TAFA5: variants seen among roughly 807,000 people sequenced by gnomAD.
TAFA5 encodes the protein chemokine-like protein TAFA-5.
In TAFA5, 6 loss-of-function variants were observed where a neutral mutation model predicts 15.3. The observed-to-expected ratio is 0.39, with a 90% CI of 0.21 to 0.77. TAFA5 has a LOEUF of 0.77. Ranked by LOEUF, TAFA5 falls within the 30% of genes least tolerant of loss-of-function variation. TAFA5 has a pLI of 0.41. For synonymous variants in TAFA5, 103 were observed against 80.7 expected, an observed-to-expected ratio of 1.28 and a Z score of -1.48; for missense variants, 161 against 193.1, an observed-to-expected ratio of 0.83 and a Z score of 0.98.
chr22:48,706,499 C>T (rs531900969), intron 2 of TAFA5, among the ~76,000 whole-genome samples: 121 of 152,332 alleles, frequency 7.9e-4, no homozygotes, highest in Non-Finnish European at 1.6e-3. Context: ...GGATATGTGA[C>T]TTCATCCGTT....
intron 1 of TAFA5, among the ~76,000 whole-genome samples, chr22:48,631,864 G>A (rs1034083594): frequency 2.6e-5 from 4 of 152,142 alleles, no homozygotes; most frequent in African/African-American, 9.7e-5. Context: ...TGGTCTAAAG[G>A]CAACTTCTCA....
intron 1 of TAFA5, among the ~76,000 whole-genome samples, chr22:48,567,166 T>A (rs971522121): frequency 6.6e-6 from 1 of 152,260 alleles, no homozygotes; most frequent in Non-Finnish European, 1.5e-5. Flanking sequence ...AGGAAATGAT[T>A]GTTTTTAAAC....
intron 2 of TAFA5, among the ~76,000 whole-genome samples, chr22:48,661,602 A>G (rs1319590692): frequency 6.6e-6 from 1 of 152,122 alleles, no homozygotes; most frequent in Non-Finnish European, 1.5e-5. Context: ...CCCTATGGGG[A>G]CAGTGCAGCA....
At chr22:48,540,467 C>T (rs1395098357) in intron 1 of TAFA5, among the ~76,000 whole-genome samples, 1 of 152,182 alleles carries the variant, frequency 6.6e-6, no homozygotes, top group East Asian at 1.9e-4. Flanking sequence ...CTGCTCCAGT[C>T]CCTGGTCCCC....
chr22:48,624,868 G>A (rs1003212141), intron 1 of TAFA5, among the ~76,000 whole-genome samples: 2 of 152,198 alleles, frequency 1.3e-5, no homozygotes, highest in Non-Finnish European at 2.9e-5. Flanking sequence ...GGGAGGCAGA[G>A]GTGGGCGGAT....
rs12160185 is a variant in TAFA5, at chr22:48,578,660, G to A, written c.113-67937G>A. 5.3e-4 allele frequency among the ~76,000 whole-genome samples: 81 copies of A among 152,336 alleles called. 3 individuals carry two copies. The East Asian group carries it at 0.014, about 27-fold the overall frequency. On this transcript the variant is annotated intron_variant, in intron 1 of 3. Coordinates refer to ENST00000402357, the MANE Select transcript of TAFA5 (RefSeq NM_001082967.3). ...AGCGATTGCGGGTCCCAGTGTTTGC[G>A]CAGCCCTCCAGGACTCCTGAAGTCC...
intron 1 of TAFA5, among the ~76,000 whole-genome samples, chr22:48,548,584 G>A (rs188530853): frequency 2.0e-5 from 3 of 152,298 alleles, no homozygotes; most frequent in East Asian, 3.9e-4. Context: ...AGTGGACTGG[G>A]GGAGCTTTGC....
chr22:48,589,024 G>A (rs1263203428), intron 1 of TAFA5, among the ~76,000 whole-genome samples: 1 of 152,226 alleles, frequency 6.6e-6, no homozygotes, highest in African/African-American at 2.4e-5. Flanking sequence ...TTCACCGATA[G>A]AAGAATGCAG....
intron 1 of TAFA5, among the ~76,000 whole-genome samples, chr22:48,580,492 A>G (rs1171287451): frequency 6.6e-6 from 1 of 152,202 alleles, no homozygotes; most frequent in Non-Finnish European, 1.5e-5. Context: ...ATTCTGTCCC[A>G]GAGGCATAGA....
chr22:48,575,298 G>C (rs1302099654), intron 1 of TAFA5, among the ~76,000 whole-genome samples: 2 of 151,698 alleles, frequency 1.3e-5, no homozygotes, highest in Admixed American at 6.6e-5. Context: ...CTGACCCGCC[G>C]GCGCGCCAGG....
At chr22:48,654,220 A>G (rs4925420) in intron 2 of TAFA5, among the ~76,000 whole-genome samples, 121,766 of 152,036 alleles carry the variant, frequency 0.8, 48,950 homozygotes, top group East Asian at 0.92. Flanking sequence ...GCCAACCAGG[A>G]GAGCCAAGAG....
intron 1 of TAFA5, among the ~76,000 whole-genome samples, chr22:48,608,089 G>A (rs116684771): frequency 0.019 from 2,289 of 117,748 alleles, 39 homozygotes; most frequent in African/African-American, 0.061. Flanking sequence ...CCCCTCCCAC[G>A]GCCCCAGGCT....
intron 1 of TAFA5, among the ~76,000 whole-genome samples, chr22:48,519,235 A>G (rs1200127571): frequency 2.0e-5 from 3 of 152,238 alleles, no homozygotes; most frequent in Admixed American, 6.5e-5. Flanking sequence ...ATGATTTTAA[A>G]CCAGATTCAA....
At chr22:48,568,933 G>A (rs1254754399) in intron 1 of TAFA5, among the ~76,000 whole-genome samples, 1 of 152,232 alleles carries the variant, frequency 6.6e-6, no homozygotes, top group Middle Eastern at 3.2e-3. Flanking sequence ...CTCACGGCCA[G>A]GGATGAGGGC....
At chr22:48,615,455 T>C (rs28380079) in intron 1 of TAFA5, among the ~76,000 whole-genome samples, 33,623 of 152,158 alleles carry the variant, frequency 0.22, 3,871 homozygotes, top group African/African-American at 0.25. Context: ...TCCTCTCGGA[T>C]GGGCTTCGCC....
intron 1 of TAFA5, among the ~76,000 whole-genome samples, chr22:48,565,905 G>C (rs1418294796): frequency 6.6e-6 from 1 of 152,100 alleles, no homozygotes; most frequent in East Asian, 1.9e-4. Flanking sequence ...TAGATAGATA[G>C]ATGAATTGAT....
At position 48,490,857 on chromosome 22, in the gene TAFA5, C is replaced by T. The variant is rs1021453743; in HGVS notation, c.112+1153C>T. ...TCCAGAGCCCCGGGCCTCCAAGCTC[C>T]CAGTCCGATCTGATCCTTCCGCTGT... On this transcript the variant is annotated intron_variant, in intron 1 of 3. Coordinates refer to ENST00000402357, the MANE Select transcript of TAFA5 (RefSeq NM_001082967.3). This position sits in a 1 kb window ranked among gnomAD's most constrained non-coding sequence, Gnocchi z 5.8. Among the ~76,000 whole-genome samples the T allele has an allele frequency of 1.3e-5, 2 of 151,888 alleles. No individual in the cohort carries two copies. The highest frequency in any genetic ancestry group is 2.1e-4 in the South Asian group (1 of 4,812).
intron 1 of TAFA5, chr22:48,543,348 A>G (rs1386969556): frequency 6.6e-6 from 1 of 152,168 alleles, no homozygotes; most frequent in East Asian, 1.9e-4. Flanking sequence ...AAGTGTAATC[A>G]CGGCAATGAA....
chr22:48,691,500 C>T (rs1203682116), intron 2 of TAFA5, among the ~76,000 whole-genome samples: 3 of 152,224 alleles, frequency 2.0e-5, no homozygotes, highest in Admixed American at 6.5e-5. Context: ...AAACTGGGTT[C>T]GCCTGTGTGC....
Sources: allele counts gnomAD v4.1 joint callset (sites outside exome capture counted in the v4.1 genomes callset), GRCh38; gene constraint gnomAD v4.1.1; non-coding constraint Gnocchi (gnomAD v3.1); transcripts MANE v1.5; gene names NCBI Gene and HGNC (gene_info 2026-07-23, HGNC 2026-07-21).